ANO1: variants seen among roughly 807,000 people sequenced by gnomAD.
The protein encoded by ANO1 is anoctamin 1.
A neutral mutation model predicts 124.0 loss-of-function variants in ANO1; 59 were observed. The observed-to-expected ratio is 0.48, with a 90% confidence interval of 0.39 to 0.59. The LOEUF is 0.59. ANO1 is among the 20% of genes least tolerant of loss of function. The pLI is 0.00. For synonymous variants in ANO1, 529 were observed against 532.0 expected (o/e 0.99, Z 0.08); for missense variants, 1,059 against 1,328.0 (o/e 0.80, Z 3.15).
upstream of ANO1, among the ~76,000 whole-genome samples, chr11:70,076,614 C>G (rs1240986347): frequency 6.6e-6 from 1 of 152,176 alleles, no homozygotes; most frequent in Admixed American, 6.5e-5. Context: ...CAGCCCTGGA[C>G]ACTTGAACTT....
At chr11:70,156,891 A>C in intron 15 of ANO1, 56 bp from the exon 16 acceptor site, 24 of 1,514,784 alleles carry the variant, frequency 1.6e-5, no homozygotes, top group Non-Finnish European at 1.9e-5. Flanking sequence ...GCTGACACAC[A>C]GAGATGTCTC....
rs1590871890 is a variant in ANO1 at position 70,154,166 on chromosome 11, C to G, written c.1425+1038C>G. Among the ~76,000 whole-genome samples the G allele has an allele frequency of 3.3e-5, 5 of 152,272 alleles. No homozygotes were observed. The East Asian group carries it at 9.7e-4, about 29-fold the overall frequency. On this transcript the variant is annotated intron_variant, in intron 14 of 25. Coordinates refer to ENST00000355303, the MANE Select transcript of ANO1 (RefSeq NM_018043.7). ...GGAGGCTGGAGATGCCCGCACTGAC[C>G]CTTGGAGGGATGAGGGCAGTCGAGG...
intron 1 of ANO1, among the ~76,000 whole-genome samples, chr11:70,021,661 G>A (rs1004492000): frequency 1.3e-5 from 2 of 151,870 alleles, no homozygotes; most frequent in African/African-American, 2.4e-5. Flanking sequence ...TTCCCATGTC[G>A]ATCGTCTGAG....
upstream of ANO1, among the ~76,000 whole-genome samples, chr11:70,074,678 G>C (rs2044034435): frequency 6.6e-6 from 1 of 152,196 alleles, no homozygotes; most frequent in Non-Finnish European, 1.5e-5. Context: ...GGCTGGTTTT[G>C]TCCCCTGGAG....
chr11:70,185,577 C>T lies in ANO1; in HGVS notation c.2589-13C>T, dbSNP rs371832111. On this transcript the variant is annotated splice_polypyrimidine_tract_variant and intron_variant, in intron 24 of 25. Coordinates refer to ENST00000355303, the MANE Select transcript of ANO1 (RefSeq NM_018043.7). Reference sequence around the variant, plus strand: ...CGAAGTCCCACCCTCGACTCCACCACGGTCTTTTGCAGGTATAAAGACTAC... The same window carrying T: ...CGAAGTCCCACCCTCGACTCCACCATGGTCTTTTGCAGGTATAAAGACTAC... 1.4e-4 allele frequency: 221 copies of T among 1,610,742 alleles called. 2 individuals carry two copies. Among genetic ancestry groups the T allele is most frequent in the Non-Finnish European group, 1.6e-4 (191 of 1,177,466 alleles).
intron 1 of ANO1, among the ~76,000 whole-genome samples, chr11:70,086,984 C>T (rs909579744): frequency 3.3e-5 from 5 of 152,256 alleles, no homozygotes; most frequent in Admixed American, 6.5e-5. Context: ...CTGCCTCTGA[C>T]ACTGGCCATC....
chr11:70,033,694 A>C (rs1370344223), intron 1 of ANO1, among the ~76,000 whole-genome samples: 1 of 152,098 alleles, frequency 6.6e-6, no homozygotes. Context: ...TGTATAGAGC[A>C]GGGGATGGCA....
chr11:70,081,099 C>T (rs977405857), intron 1 of ANO1, among the ~76,000 whole-genome samples: 2 of 152,256 alleles, frequency 1.3e-5, no homozygotes, highest in South Asian at 4.1e-4. Flanking sequence ...CCAATTCAGG[C>T]TGCGGTTCCC....
chr11:70,153,119 A>G lies in ANO1; in HGVS notation c.1416A>G (p.Arg472=). ...VLEKSLKKES[R]NKEKRRHIPE... ...AGAAGTCTCTGAAGAAAGAGTCCAG[A>G]AACAAAGAGGTATGGTGGCCACTGT... The change falls in exon 14 of 26, where the codon AGA becomes AGG. Residue 472 remains arginine (R), a synonymous_variant. Transcript: ENST00000355303. 1 of 1,604,868 alleles carries G rather than the reference A, an allele frequency of 6.2e-7. No individual in the cohort carries two copies. Among genetic ancestry groups the G allele is most frequent in the Non-Finnish European group, 8.5e-7 (1 of 1,175,504 alleles).
At chr11:70,149,110 G>A (rs777226446) in intron 11 of ANO1, among the ~76,000 whole-genome samples, 1 of 152,198 alleles carries the variant, frequency 6.6e-6, no homozygotes, top group African/African-American at 2.4e-5. Flanking sequence ...CCTCCGAACC[G>A]GGGCCCCCGA....
At position 70,161,654 on chromosome 11, in the gene ANO1, A is replaced by G; in HGVS notation, c.1813A>G (p.Arg605Gly). The G allele has an allele frequency of 6.2e-7, 1 of 1,613,942 alleles. No individual in the cohort carries two copies. Among genetic ancestry groups the G allele is most frequent in the South Asian group, 1.1e-5 (1 of 91,078 alleles). ...AAAGACGGAGAAAAGCTTTGAGGAG[A>G]GGCTGATCTTCAAGGCTTTCCTGCT... ...VPKTEKSFEE[R>G]LIFKAFLLKF... is the part of the protein sequence containing the mutation. Residue 605 changes from arginine (R) to glycine (G), a missense_variant, in exon 18 of 26, where the codon AGG (arginine) becomes GGG (glycine). Physicochemically the swap from Arg to Gly is moderately radical, Grantham distance 125. This residue lies in a region of ANO1 where 809 missense variants were observed against 1,094.9 expected (regional missense o/e 0.74). Transcript: ENST00000355303.
At chr11:70,180,136 TG>T in intron 23 of ANO1, 80 bp downstream of exon 23, 2 of 1,298,556 alleles carry the variant, frequency 1.5e-6, no homozygotes, top group East Asian at 2.3e-5. Context: ...GAGAAGGAGC[TG>T]GGCATGGGTC....
chr11:70,017,473 C>T (rs1332749568), intron 1 of ANO1, among the ~76,000 whole-genome samples: 2 of 150,114 alleles, frequency 1.3e-5, no homozygotes, highest in African/African-American at 2.4e-5. Context: ...TTCCCTCCTT[C>T]CCTCCCTCCC....
intron 1 of ANO1, among the ~76,000 whole-genome samples, chr11:70,059,538 C>T (rs920414501): frequency 2.6e-5 from 4 of 152,020 alleles, no homozygotes; most frequent in South Asian, 4.2e-4. Flanking sequence ...TTTACGGACA[C>T]GGGGCATATG....
At chr11:69,981,041 G>C (rs1855955739), upstream of ANO1, among the ~76,000 whole-genome samples, 1 of 152,202 alleles carries the variant, frequency 6.6e-6, no homozygotes, top group Admixed American at 6.5e-5. Context: ...ACAGGAGCGA[G>C]ACTCCTTTAC....
chr11:70,150,789 G>A (rs2047573779), intron 12 of ANO1, among the ~76,000 whole-genome samples: 1 of 151,792 alleles, frequency 6.6e-6, no homozygotes, highest in Non-Finnish European at 1.5e-5. Flanking sequence ...ACTTTTTCAT[G>A]CATTTTTATT....
intron 1 of ANO1, among the ~76,000 whole-genome samples, chr11:70,023,541 G>A (rs1856841149): frequency 6.6e-6 from 1 of 152,188 alleles, no homozygotes; most frequent in Non-Finnish European, 1.5e-5. Context: ...TTCTAGGGGT[G>A]AGATTCGGCC....
Position 70,080,958 on chromosome 11 carries a change from C to G in ANO1, c.108+2244C>G, listed in dbSNP as rs145758277. ...CCAACAGTTGTTGCTCAGTCATTAC[C>G]CTGAGTCACCCAACGAAGGCGGCTC... On this transcript the variant is annotated intron_variant, in intron 1 of 25. Coordinates refer to ENST00000355303, the MANE Select transcript of ANO1 (RefSeq NM_018043.7). 9.5e-3 allele frequency among the ~76,000 whole-genome samples: 1,451 copies of G among 152,300 alleles called. 18 individuals are homozygous for G. The highest frequency in any genetic ancestry group is 0.032 in the African/African-American group (1,343 of 41,556).
intron 1 of ANO1, among the ~76,000 whole-genome samples, chr11:70,070,699 G>T (rs1337429306): frequency 6.6e-6 from 1 of 152,196 alleles, no homozygotes; most frequent in African/African-American, 2.4e-5. Flanking sequence ...TGAGTGCATG[G>T]TGAGTGGGTA....
Sources: gnomAD v4.1 joint callset for allele counts (sites outside exome capture counted in the v4.1 genomes callset) on GRCh38, gnomAD v4.1.1 for gene constraint, gnomAD v4.1.1 regional missense constraint, MANE v1.5 for transcripts, NCBI Gene and HGNC (gene_info 2026-07-23, HGNC 2026-07-21) for gene names.